The following TLN2 variants were observed in gnomAD, a reference collection of about 807,000 sequenced individuals.
TLN2 encodes the protein talin-2.
TLN2 carries 118 observed loss-of-function variants against 294.7 expected under a neutral mutation model. That is an observed-to-expected ratio of 0.40 (90% CI 0.34 to 0.47). The LOEUF (loss-of-function observed/expected upper bound fraction) is 0.47, where lower values mean the gene tolerates loss of function less well. Ranked by LOEUF, TLN2 falls within the 20% of genes least tolerant of loss-of-function variation. The probability of loss-of-function intolerance (pLI) is 0.84; values close to 1 mark genes in which losing one functional copy is unlikely to be tolerated. For missense variants in TLN2, 3,083 were observed against 3,282.2 expected (o/e 0.94, Z 1.48); for synonymous variants, 1,431 against 1,304.5 (o/e 1.10, Z -2.09).
At chr15:62,838,165 C>T (rs1027747029) in intron 57 of TLN2, 3 of 152,204 alleles carry the variant, frequency 2.0e-5, no homozygotes, top group Non-Finnish European at 2.9e-5. Context: ...CCTAAAAGTA[C>T]GAGCAAAAGG....
At chr15:62,539,162 AT>A (rs2041529355) in intron 1 of TLN2, among the ~76,000 whole-genome samples, 1 of 152,174 alleles carries the variant, frequency 6.6e-6, no homozygotes, top group Non-Finnish European at 1.5e-5. Flanking sequence ...AGAAGCAGAC[AT>A]TTTAGGGAGC....
At chr15:62,771,633 CTT>C (rs1366767731) in intron 42 of TLN2, among the ~76,000 whole-genome samples, 1 of 152,232 alleles carries the variant, frequency 6.6e-6, no homozygotes, top group Non-Finnish European at 1.5e-5. Context: ...TCATAGGTGA[CTT>C]TGCACCACAT....
In TLN2 at chr15:62,465,307, A is replaced by G. The variant is rs78524641; in HGVS notation, c.-238+74622A>G. The stretch of plus-strand genomic sequence containing the variant: ...CCCTATCCCAGCTTGCCACCTGGAG[A>G]ATCCGTGGCTTGGTGTGTGATAATG... On this transcript the variant is annotated intron_variant, in intron 1 of 58. Coordinates refer to ENST00000636159, the MANE Select transcript of TLN2 (RefSeq NM_015059.3). 7.4e-3 allele frequency among the ~76,000 whole-genome samples: 1,119 copies of G among 151,824 alleles called. 12 individuals are homozygous for G. The highest frequency in any genetic ancestry group is 0.025 in the African/African-American group (1,026 of 41,374).
intron 1 of TLN2, among the ~76,000 whole-genome samples, chr15:62,501,078 A>G (rs951375562): frequency 6.6e-5 from 10 of 152,250 alleles, no homozygotes; most frequent in African/African-American, 1.7e-4. Context: ...TAAATGTGCA[A>G]TGCGCCATGG....
At chr15:62,454,891 C>A (rs566033110) in intron 1 of TLN2, among the ~76,000 whole-genome samples, 1 of 152,106 alleles carries the variant, frequency 6.6e-6, no homozygotes, top group Non-Finnish European at 1.5e-5. Context: ...CCTGTGACAT[C>A]GGGGCAGGTG....
At chr15:62,581,771 C>T (rs146955066) in intron 1 of TLN2, among the ~76,000 whole-genome samples, 90 of 152,152 alleles carry the variant, frequency 5.9e-4, no homozygotes, top group African/African-American at 2.0e-3. Flanking sequence ...GGGCCGGGTG[C>T]GGTGGCTCAC....
intron 1 of TLN2, among the ~76,000 whole-genome samples, chr15:62,478,628 A>G (rs1403530561): frequency 6.6e-6 from 1 of 152,046 alleles, no homozygotes; most frequent in African/African-American, 2.4e-5. Context: ...CAGTGCCAAG[A>G]CCTAGTCCTC....
intron 1 of TLN2, among the ~76,000 whole-genome samples, chr15:62,411,401 A>G (rs2033765899): frequency 6.8e-6 from 1 of 147,910 alleles, no homozygotes; most frequent in African/African-American, 2.5e-5. Flanking sequence ...ATTAGATGTT[A>G]TTCCTCCTTA....
chr15:62,516,050 A>G (rs1246898383), intron 1 of TLN2, among the ~76,000 whole-genome samples: 2 of 152,198 alleles, frequency 1.3e-5, no homozygotes, highest in African/African-American at 4.8e-5. Flanking sequence ...AAGACATTTG[A>G]TTAGTGTGAC....
rs778869548 is a variant in TLN2, at chr15:62,682,555, T to A, written c.958-4086T>A. On this transcript the variant is annotated intron_variant, in intron 11 of 58. Transcript: ENST00000636159. ...TTGATCTTGGATAAGTTACCTTACCTTTCATCTCTAAGCTTCAGTTTGTTC... is the reference window on the plus strand; with the variant it reads ...TTGATCTTGGATAAGTTACCTTACCATTCATCTCTAAGCTTCAGTTTGTTC... Among the ~76,000 whole-genome samples the A allele has an allele frequency of 2.6e-4, 40 of 152,216 alleles. 1 individual carries two copies. The highest frequency in any genetic ancestry group is 7.2e-4 in the Admixed American group (11 of 15,290).
chr15:62,570,953 G>A (rs1489684365), intron 1 of TLN2, among the ~76,000 whole-genome samples: 2 of 150,954 alleles, frequency 1.3e-5, no homozygotes, highest in African/African-American at 2.4e-5. Context: ...GTAGGGAGGA[G>A]TGGCAGTTGG....
chr15:62,722,607 C>A, intron 26 of TLN2, 120 bp downstream of exon 26: 1 of 1,281,290 alleles, frequency 7.8e-7, no homozygotes, highest in South Asian at 2.1e-5. Context: ...ATTCTACTTG[C>A]ATGACTATTA....
intron 9 of TLN2, 145 bp downstream of exon 9, chr15:62,658,043 A>G: frequency 2.5e-6 from 2 of 788,772 alleles, no homozygotes; most frequent in Non-Finnish European, 3.8e-6. Context: ...CGAGTAGATG[A>G]CCAAATTTGC....
intron 1 of TLN2, among the ~76,000 whole-genome samples, chr15:62,555,071 G>T (rs946402629): frequency 6.6e-6 from 1 of 151,986 alleles, no homozygotes; most frequent in Non-Finnish European, 1.5e-5. Flanking sequence ...TACTCTTGGG[G>T]TGATTTTTGT....
intron 21 of TLN2, 143 bp from the exon 22 acceptor site, chr15:62,711,768 A>T: frequency 2.3e-6 from 2 of 856,842 alleles, no homozygotes; most frequent in Non-Finnish European, 1.7e-6. Flanking sequence ...ATTTGGATGC[A>T]TGGCTTAGGA....
chr15:62,532,914 C>G (rs1012961882), intron 1 of TLN2, among the ~76,000 whole-genome samples: 4 of 152,060 alleles, frequency 2.6e-5, no homozygotes, highest in African/African-American at 9.7e-5. Context: ...CAGTTAGCTT[C>G]AAATTTTTAT....
chr15:62,744,623 T>G (rs2061514195), intron 32 of TLN2, among the ~76,000 whole-genome samples: 1 of 152,130 alleles, frequency 6.6e-6, no homozygotes, highest in Non-Finnish European at 1.5e-5. Flanking sequence ...CTCGGCTCAC[T>G]GCAGCCTCCA....
intron 1 of TLN2, among the ~76,000 whole-genome samples, chr15:62,529,155 A>G (rs1232825541): frequency 6.6e-6 from 1 of 151,580 alleles, no homozygotes; most frequent in Non-Finnish European, 1.5e-5. Context: ...GTGTGGTGGC[A>G]TGATCATGAC....
chr15:62,625,652 G>A (rs937566184), intron 3 of TLN2, among the ~76,000 whole-genome samples: 2 of 152,196 alleles, frequency 1.3e-5, no homozygotes, highest in South Asian at 2.1e-4. Context: ...CAGCATATGT[G>A]TTGGGGGCTG....
Sources: gnomAD v4.1 joint callset for allele counts (sites outside exome capture counted in the v4.1 genomes callset) on GRCh38, gnomAD v4.1.1 for gene constraint, MANE v1.5 for transcripts, NCBI Gene and HGNC (gene_info 2026-07-23, HGNC 2026-07-21) for gene names.